The following STOML3 variants were observed in gnomAD, a reference collection of about 807,000 sequenced individuals.
STOML3 encodes stomatin like 3.
A neutral mutation model predicts 29.5 loss-of-function variants in STOML3; 31 were observed. That is an observed-to-expected ratio of 1.05 (90% CI 0.79 to 1.42). The LOEUF (loss-of-function observed/expected upper bound fraction) is 1.42. STOML3 is among the 40% of genes most tolerant of loss of function. The pLI is 0.00. For synonymous variants in STOML3, 122 were observed against 139.8 expected (o/e 0.87, Z 0.90); for missense variants, 380 against 363.0 (o/e 1.05, Z -0.38).
At chr13:38,975,099 A>G (rs983864014) in intron 3 of STOML3, among the ~76,000 whole-genome samples, 13 of 152,106 alleles carry the variant, frequency 8.5e-5, no homozygotes, top group African/African-American at 2.4e-4. Flanking sequence ...AGAGGTCGAG[A>G]CGGGCGGATC....
rs1211495003 is a variant in STOML3 at position 38,979,902 on chromosome 13, A to G, written c.53-3105T>C. The stretch of plus-strand genomic sequence containing the variant: ...CTTGGGCTGTTCTGGGGCTATGACT[A>G]GCAGCACAGCACACGCAGGCAGCTG... On this transcript the variant is annotated intron_variant, in intron 1 of 6. Coordinates refer to ENST00000379631, the MANE Select transcript of STOML3 (RefSeq NM_145286.3). 13 of 746,678 alleles carry G rather than the reference A, an allele frequency of 1.7e-5. No individual in the cohort carries two copies. In the African/African-American group the frequency reaches 2.2e-4, roughly 13 times the overall value. 46.3% of individuals were successfully genotyped at this position (746,678 alleles called of 1,614,324 possible). A position where few individuals can be genotyped will look rare whatever the true frequency, so the allele number is the denominator to read the frequency against.
At chr13:38,976,664 G>A (rs1412090603) in intron 2 of STOML3, 30 bp downstream of exon 2, 1 of 1,613,812 alleles carries the variant, frequency 6.2e-7, no homozygotes, top group East Asian at 2.2e-5. Context: ...AGTTCATATA[G>A]ATAGCCCAGT....
chr13:38,976,851 A>G, intron 1 of STOML3, 54 bp from the exon 2 acceptor site: 1 of 1,488,862 alleles, frequency 6.7e-7, no homozygotes, highest in Non-Finnish European at 9.2e-7. Context: ...TAAAAAAGCC[A>G]CCCAGCTGCA....
At chr13:38,975,978 C>T (rs1275429721) in intron 3 of STOML3, among the ~76,000 whole-genome samples, 2 of 151,942 alleles carry the variant, frequency 1.3e-5, no homozygotes, top group Non-Finnish European at 2.9e-5. Flanking sequence ...TAATCTTAGA[C>T]AACTCATCAA....
At chr13:38,987,374 A>G (rs957476335) in intron 1 of STOML3, among the ~76,000 whole-genome samples, 1 of 151,866 alleles carries the variant, frequency 6.6e-6, no homozygotes, top group East Asian at 1.9e-4. Flanking sequence ...AAATACAAAA[A>G]TTAGCCAGCC....
intron 1 of STOML3, among the ~76,000 whole-genome samples, chr13:38,978,527 T>C (rs1881171562): frequency 6.6e-6 from 1 of 152,104 alleles, no homozygotes; most frequent in South Asian, 2.1e-4. Context: ...TCGCATCCCA[T>C]GATCTCCTCC....
At chr13:38,967,994 G>A (rs1340646882) in intron 6 of STOML3, among the ~76,000 whole-genome samples, 1 of 141,452 alleles carries the variant, frequency 7.1e-6, no homozygotes, top group East Asian at 2.2e-4. Context: ...GTTCCATGTT[G>A]GCTACATCTA....
At chr13:38,982,510 T>G (rs1881304060) in intron 1 of STOML3, among the ~76,000 whole-genome samples, 1 of 152,136 alleles carries the variant, frequency 6.6e-6, no homozygotes, top group African/African-American at 2.4e-5. Context: ...CCCCTATCTA[T>G]CAGTTTCTGT....
chr13:38,978,030 G>T (rs1451891111), intron 1 of STOML3, among the ~76,000 whole-genome samples: 1 of 152,092 alleles, frequency 6.6e-6, no homozygotes, highest in African/African-American at 2.4e-5. Flanking sequence ...AAAGTTCTGG[G>T]ATTACAGGCG....
At position 38,981,875 on chromosome 13, in the gene STOML3, A is replaced by AT. The variant is rs532232769; in HGVS notation, c.53-5079dup. ...TTGGAAGTGTCTACTAAAGCTAAAC[A>AT]TGTATCTACTTTATGACTCAGTATT... On this transcript the variant is annotated intron_variant, in intron 1 of 6. Transcript: ENST00000379631. Among the ~76,000 whole-genome samples the AT allele has an allele frequency of 1.6e-4, 25 of 152,314 alleles. No individual in the cohort carries two copies. The East Asian group carries it at 2.5e-3, about 15-fold the overall frequency.
intron 5 of STOML3, among the ~76,000 whole-genome samples, chr13:38,969,003 G>A (rs2138005159): frequency 6.6e-6 from 1 of 152,132 alleles, no homozygotes; most frequent in African/African-American, 2.4e-5. Context: ...ACCTATAAAA[G>A]GTTTTCTTTC....
intron 1 of STOML3, among the ~76,000 whole-genome samples, chr13:38,979,885 G>A (rs1207027845): frequency 2.0e-5 from 3 of 152,184 alleles, no homozygotes; most frequent in African/African-American, 7.2e-5. Context: ...ACCTTGGGCT[G>A]TTCTGGGGCT....
At chr13:38,980,283 G>T in intron 1 of STOML3, 1 of 697,102 alleles carries the variant, frequency 1.4e-6, no homozygotes. Flanking sequence ...GAGTGCTGCT[G>T]TCACCTTCCC....
intron 6 of STOML3, 111 bp from the exon 7 acceptor site, chr13:38,967,160 A>C (rs997008216): frequency 2.2e-6 from 2 of 915,824 alleles, no homozygotes; most frequent in Admixed American, 2.8e-5. Flanking sequence ...ATGTTGCCAC[A>C]TGTGTTTCAT....
intron 4 of STOML3, among the ~76,000 whole-genome samples, chr13:38,971,785 C>T (rs181863646): frequency 2.6e-4 from 40 of 152,072 alleles, no homozygotes; most frequent in Non-Finnish European, 4.1e-4. Flanking sequence ...ATTAGCTGGG[C>T]GTGGTGACAG....
Position 38,970,330 on chromosome 13 carries a change from T to C in STOML3, c.371A>G (p.Tyr124Cys). The C allele has an allele frequency of 6.2e-7, 1 of 1,614,200 alleles. No individual in the cohort carries two copies. Among genetic ancestry groups the C allele is most frequent in the Non-Finnish European group, 8.5e-7 (1 of 1,180,030 alleles). Residue 124 changes from tyrosine (Y) to cysteine (C), a missense_variant, in exon 5 of 7, where the codon TAT (tyrosine) becomes TGT (cysteine). By Grantham distance (194) the Tyr-to-Cys change is radical. Coordinates refer to ENST00000379631, the MANE Select transcript of STOML3 (RefSeq NM_145286.3). ...ATTAGCCACTGCTGAGACAGCACTA[T>C]AGATTCTGTAATAGACAACTCCATC... ...QVDGVVYYRIYSAVSAVANVN... is the reference protein window; with the variant it reads ...QVDGVVYYRICSAVSAVANVN...
chr13:38,990,305 C>T (rs1055283487), intron 1 of STOML3, among the ~76,000 whole-genome samples: 7 of 152,030 alleles, frequency 4.6e-5, no homozygotes, highest in African/African-American at 1.7e-4. Flanking sequence ...AGATAAACAC[C>T]AATTCTATCT....
At chr13:38,983,221 A>G (rs548893583) in intron 1 of STOML3, among the ~76,000 whole-genome samples, 14 of 151,766 alleles carry the variant, frequency 9.2e-5, no homozygotes, top group Non-Finnish European at 1.8e-4. Context: ...ATGGCTTATG[A>G]CCTCCCCCTC....
intron 1 of STOML3, among the ~76,000 whole-genome samples, chr13:38,980,320 G>A (rs778139035): frequency 2.6e-5 from 4 of 152,140 alleles, no homozygotes; most frequent in Admixed American, 6.6e-5. Context: ...AGCCTTGTGA[G>A]CATGCACAGC....
Sources: allele counts gnomAD v4.1 joint callset (sites outside exome capture counted in the v4.1 genomes callset), GRCh38; gene constraint gnomAD v4.1.1; transcripts MANE v1.5; gene names NCBI Gene and HGNC (gene_info 2026-07-23, HGNC 2026-07-21).